The following CENPC variants were observed in gnomAD, a reference collection of about 807,000 sequenced individuals.
The protein encoded by CENPC is CENP-C 1.
In CENPC, 63 loss-of-function variants were observed where a neutral mutation model predicts 112.1. The ratio of observed to expected loss-of-function variants is 0.56; its 90% CI spans 0.46 to 0.69. The LOEUF (loss-of-function observed/expected upper bound fraction) is 0.69. CENPC is among the 30% of genes least tolerant of loss of function. The probability of loss-of-function intolerance (pLI) is 0.00; values close to 1 mark genes in which losing one functional copy is unlikely to be tolerated. For missense variants in CENPC, 1,000 were observed against 1,103.8 expected (o/e 0.91, Z 1.33); for synonymous variants, 333 against 367.6 (o/e 0.91, Z 1.08).
intron 5 of CENPC, among the ~76,000 whole-genome samples, chr4:67,529,979 A>AT (rs991895103): frequency 8.6e-5 from 13 of 151,906 alleles, no homozygotes; most frequent in South Asian, 2.1e-4. Context: ...AAGAGAACAG[A>AT]TTTTTTTTTA....
Position 67,514,532 on chromosome 4 carries a change from T to C in CENPC, c.986A>G (p.Gln329Arg). Residue 329 changes from glutamine (Q) to arginine (R), a missense_variant, in exon 8 of 19, where the codon CAA becomes CGA. Physicochemically the swap from Gln to Arg is conservative, Grantham distance 43 (BLOSUM62 1). Coordinates refer to ENST00000273853, the MANE Select transcript of CENPC (RefSeq NM_001812.4). ...TIPRKAGSLK[Q>R]RTISPAESTA... ...GCTCTCAGCCGGGGATATTGTGCGTTGTTTCAGAGACCCTGCCTTTCTTGG... is the reference window on the plus strand; with the variant it reads ...GCTCTCAGCCGGGGATATTGTGCGTCGTTTCAGAGACCCTGCCTTTCTTGG... The C allele has an allele frequency of 6.2e-7, 1 of 1,612,934 alleles. No homozygotes were observed. Among genetic ancestry groups the C allele is most frequent in the South Asian group, 1.1e-5 (1 of 90,954 alleles).
At chr4:67,516,246 G>A (rs1726053327) in intron 7 of CENPC, among the ~76,000 whole-genome samples, 2 of 151,986 alleles carry the variant, frequency 1.3e-5, no homozygotes, top group Non-Finnish European at 2.9e-5. Context: ...TCCAAGGACA[G>A]TAATCTGATA....
At chr4:67,480,524 C>T (rs1303682083) in intron 17 of CENPC, among the ~76,000 whole-genome samples, 1 of 150,954 alleles carries the variant, frequency 6.6e-6, no homozygotes, top group Non-Finnish European at 1.5e-5. Context: ...AAAGAATTGT[C>T]AACAACAACA....
chr4:67,539,354 T>C (rs566062039), intron 4 of CENPC, among the ~76,000 whole-genome samples: 1 of 152,354 alleles, frequency 6.6e-6, no homozygotes, highest in South Asian at 2.1e-4. Flanking sequence ...TGCTTTTGAA[T>C]AATTTGCCTT....
intron 5 of CENPC, among the ~76,000 whole-genome samples, chr4:67,527,122 A>G (rs990970052): frequency 6.6e-6 from 1 of 152,224 alleles, no homozygotes. Context: ...TGTGGAATAC[A>G]GCTACAACAG....
In CENPC at chr4:67,470,773, T is replaced by TAC. The variant is rs1412689700; in HGVS notation, c.*1830_*1831dup. ...CTTTGCCGTAAGAGGAGTCTTGATT[T>TAC]ACAGCAGAGGTATAAACCTACAACT... On this transcript the variant is annotated 3_prime_UTR_variant, in exon 19 of 19. Transcript: ENST00000273853. 6.6e-6 allele frequency: 1 copy of TAC among 152,190 alleles called. No individual in the cohort carries two copies. The highest frequency in any genetic ancestry group is 6.5e-5 in the Admixed American group (1 of 15,272). 9.4% of individuals were successfully genotyped at this position (152,190 alleles called of 1,614,324 possible). A position where few individuals can be genotyped will look rare whatever the true frequency, so the allele number is the denominator to read the frequency against.
In CENPC at chr4:67,504,354, A is replaced by G. The variant is rs564299516; in HGVS notation, c.2131+851T>C. 2.4e-3 allele frequency among the ~76,000 whole-genome samples: 366 copies of G among 152,318 alleles called. 2 individuals carry two copies. The highest frequency in any genetic ancestry group is 8.3e-3 in the African/African-American group (345 of 41,588). On this transcript the variant is annotated intron_variant, in intron 12 of 18. Coordinates refer to ENST00000273853, the MANE Select transcript of CENPC (RefSeq NM_001812.4). ...GAAAAACACAGAAAGCATTCAAGTT[A>G]AAAGAGAAAATACAATAAATCTAAT...
chr4:67,494,458 C>A (rs1327838515), intron 13 of CENPC, among the ~76,000 whole-genome samples: 3 of 152,174 alleles, frequency 2.0e-5, no homozygotes, highest in African/African-American at 7.2e-5. Flanking sequence ...CCTGATTCAT[C>A]ATTTCACCCC....
At chr4:67,513,737 T>G (rs1000619156) in intron 8 of CENPC, among the ~76,000 whole-genome samples, 1 of 152,142 alleles carries the variant, frequency 6.6e-6, no homozygotes, top group Non-Finnish European at 1.5e-5. Flanking sequence ...CTATAAAAAA[T>G]AGTCCCACGG....
Position 67,493,948 on chromosome 4 carries a change from T to C in CENPC, c.2226A>G (p.Arg742=), listed in dbSNP as rs372886452. ...SNTPNVRRTK[R]TRLKPLEYWR... is the part of the protein sequence containing the mutation. Reference sequence around the variant, plus strand: ...AGTACTCCAAAGGTTTCAAACGTGTTCTCTTGGTCCTGCGAACATTTGGTG... The same window carrying C: ...AGTACTCCAAAGGTTTCAAACGTGTCCTCTTGGTCCTGCGAACATTTGGTG... Residue 742 remains arginine (R), a synonymous_variant, in exon 14 of 19, where the codon AGA becomes AGG. Transcript: ENST00000273853. The C allele has an allele frequency of 2.7e-4, 431 of 1,612,864 alleles. No individual in the cohort carries two copies. The highest frequency in any genetic ancestry group is 3.5e-4 in the Non-Finnish European group (411 of 1,179,506).
intron 13 of CENPC, 100 bp downstream of exon 13, chr4:67,495,059 A>G: frequency 8.7e-7 from 1 of 1,143,658 alleles, no homozygotes; most frequent in Middle Eastern, 2.5e-4. Flanking sequence ...AATCCACATA[A>G]TCGTATTTCT....
Position 67,544,139 on chromosome 4 carries a change from C to T in CENPC, c.65+10G>A, listed in dbSNP as rs777869444. Reference sequence around the variant, plus strand: ...AAAAATAATCTTAAAAGCTTAAGTACGTAAATCACCTGGAAGGTCGACAAA... The same window carrying T: ...AAAAATAATCTTAAAAGCTTAAGTATGTAAATCACCTGGAAGGTCGACAAA... On this transcript the variant is annotated intron_variant, in intron 2 of 18. Coordinates refer to ENST00000273853, the MANE Select transcript of CENPC (RefSeq NM_001812.4). 4.2e-6 allele frequency: 6 copies of T among 1,429,664 alleles called. No homozygotes were observed. The Admixed American group carries it at 8.6e-5, about 20-fold the overall frequency. 88.6% of individuals were successfully genotyped at this position (1,429,664 alleles called of 1,614,324 possible).
At chr4:67,480,188 G>C (rs776740007) in intron 17 of CENPC, among the ~76,000 whole-genome samples, 1 of 151,990 alleles carries the variant, frequency 6.6e-6, no homozygotes, top group Admixed American at 6.6e-5. Flanking sequence ...AATTGGTGGC[G>C]CATGCCTGTA....
chr4:67,543,480 A>G (rs909360484), intron 2 of CENPC, among the ~76,000 whole-genome samples: 7 of 152,138 alleles, frequency 4.6e-5, no homozygotes, highest in Non-Finnish European at 7.4e-5. Flanking sequence ...ATATAGGCCT[A>G]CTCTCTATGA....
chr4:67,478,666 A>ACAC (rs146500743), intron 17 of CENPC, among the ~76,000 whole-genome samples: 1 of 76,526 alleles, frequency 1.3e-5, no homozygotes, highest in East Asian at 2.4e-4. Context: ...ACACACACAC[A>ACAC]CCCAAAGTAT....
intron 7 of CENPC, among the ~76,000 whole-genome samples, chr4:67,517,476 G>A (rs1276254668): frequency 1.3e-5 from 2 of 151,628 alleles, no homozygotes; most frequent in African/African-American, 4.9e-5. Context: ...AAACTTCCTA[G>A]TATATTCACT....
At chr4:67,486,493 A>G (rs1725097669) in intron 17 of CENPC, among the ~76,000 whole-genome samples, 1 of 152,230 alleles carries the variant, frequency 6.6e-6, no homozygotes, top group African/African-American at 2.4e-5. Flanking sequence ...GGTTAGCACC[A>G]CATACAGTGA....
intron 4 of CENPC, among the ~76,000 whole-genome samples, chr4:67,531,730 G>A (rs976981551): frequency 1.3e-5 from 2 of 152,152 alleles, no homozygotes; most frequent in Non-Finnish European, 2.9e-5. Context: ...ATTCTATATG[G>A]CCCCTTGAGG....
At chr4:67,545,294 C>A in intron 1 of CENPC, 44 bp downstream of exon 1, 1 of 1,457,586 alleles carries the variant, frequency 6.9e-7, no homozygotes, top group Non-Finnish European at 9.1e-7. Context: ...CGTGCCCCAG[C>A]CAGCCGCTCA....
Sources: allele counts gnomAD v4.1 joint callset (sites outside exome capture counted in the v4.1 genomes callset), GRCh38; gene constraint gnomAD v4.1.1; transcripts MANE v1.5; gene names NCBI Gene and HGNC (gene_info 2026-07-23, HGNC 2026-07-21).